Variants in SNURF observed in about 807,000 individuals in gnomAD.
The protein encoded by SNURF is SNRPN upstream open reading frame, also known as SNURF protein.
In SNURF, 6 loss-of-function variants were observed where a neutral mutation model predicts 11.6. The ratio of observed to expected loss-of-function variants is 0.52; its 90% CI spans 0.28 to 1.02. The LOEUF (loss-of-function observed/expected upper bound fraction) is 1.02, where lower values mean the gene tolerates loss of function less well. Among genes scored for constraint, SNURF ranks in the 50% least tolerant of loss-of-function variants. SNURF has a pLI of 0.09. For missense variants in SNURF, 84 were observed against 88.4 expected (o/e 0.95, Z 0.20); for synonymous variants, 29 against 31.6 (o/e 0.92, Z 0.27).
intron 1 of SNURF, among the ~76,000 whole-genome samples, chr15:24,958,346 T>G (rs1442212432): frequency 6.6e-6 from 1 of 151,676 alleles, no homozygotes; most frequent in African/African-American, 2.4e-5. Context: ...GACAATGAAG[T>G]TTTAAAAATC....
At chr15:24,964,678 ATGG>A (rs1039153685) in intron 2 of SNURF, among the ~76,000 whole-genome samples, 2 of 151,976 alleles carry the variant, frequency 1.3e-5, no homozygotes, top group Admixed American at 6.6e-5. Context: ...TAGTTCAGAG[ATGG>A]TGGTGGAGGT....
At chr15:24,962,960 A>G (rs890398340) in intron 2 of SNURF, among the ~76,000 whole-genome samples, 3 of 151,710 alleles carry the variant, frequency 2.0e-5, no homozygotes, top group Admixed American at 6.6e-5. Flanking sequence ...TTTGTAAAAC[A>G]GTTTTGCATA....
intron 2 of SNURF, among the ~76,000 whole-genome samples, chr15:24,965,092 C>T (rs1267138981): frequency 6.6e-6 from 1 of 152,006 alleles, no homozygotes; most frequent in African/African-American, 2.4e-5. Context: ...GCCTCATTGT[C>T]CATGTGTTTA....
At chr15:24,969,276 C>T (rs1394159447), downstream of SNURF, among the ~76,000 whole-genome samples, 3 of 152,058 alleles carry the variant, frequency 2.0e-5, no homozygotes, top group African/African-American at 7.2e-5. Flanking sequence ...TTATAGGCAC[C>T]CACCACCACA....
chr15:24,971,677 C>T (rs532367827), downstream of SNURF, among the ~76,000 whole-genome samples: 415 of 152,202 alleles, frequency 2.7e-3, 3 homozygotes, highest in African/African-American at 9.4e-3. Context: ...TCCTATTGCT[C>T]AAGGTCATTG....
chr15:24,956,885 A>C (rs1221217811), intron 1 of SNURF, among the ~76,000 whole-genome samples: 1 of 152,178 alleles, frequency 6.6e-6, no homozygotes, highest in Non-Finnish European at 1.5e-5. Context: ...GCAGTAAACT[A>C]GAGTGGTGGC....
chr15:24,966,279 T>TA (rs912598466), intron 2 of SNURF, among the ~76,000 whole-genome samples: 6 of 146,472 alleles, frequency 4.1e-5, no homozygotes, highest in Non-Finnish European at 8.9e-5. Context: ...GTGCTATACT[T>TA]ACTAGTTTTT....
At chr15:24,955,962 G>T (rs184595709) in intron 1 of SNURF, among the ~76,000 whole-genome samples, 5 of 152,002 alleles carry the variant, frequency 3.3e-5, no homozygotes, top group Non-Finnish European at 7.4e-5. Flanking sequence ...AGCACAGTCC[G>T]CAGCCTTTAA....
chr15:24,971,395 A>G (rs1166264719), downstream of SNURF, among the ~76,000 whole-genome samples: 1 of 152,208 alleles, frequency 6.6e-6, no homozygotes, highest in African/African-American at 2.4e-5. Flanking sequence ...ACTACATTGT[A>G]TCACATTTAG....
At chr15:24,963,277 GT>G (rs2075123839) in intron 2 of SNURF, among the ~76,000 whole-genome samples, 1 of 152,258 alleles carries the variant, frequency 6.6e-6, no homozygotes, top group South Asian at 2.1e-4. Flanking sequence ...TATTTAGTTT[GT>G]TTGCATTGTT....
intron 4 of SNURF, chr15:24,976,255 G>A (rs1437534805): frequency 7.5e-7 from 1 of 1,333,150 alleles, no homozygotes; most frequent in Non-Finnish European, 1.1e-6. Context: ...ATTTTGATGA[G>A]TGAGTGATCA....
downstream of SNURF, chr15:24,978,531 C>T (rs1418767384): frequency 7.9e-6 from 9 of 1,139,122 alleles, no homozygotes; most frequent in Non-Finnish European, 1.2e-5. Flanking sequence ...TTTGTTCCCT[C>T]ATTCTGCATT....
At chr15:24,963,555 C>T (rs796176506) in intron 2 of SNURF, among the ~76,000 whole-genome samples, 25 of 148,288 alleles carry the variant, frequency 1.7e-4, no homozygotes, top group African/African-American at 6.3e-4. Context: ...ACGGAGGTTG[C>T]AATGAGCTAA....
intron 1 of SNURF, among the ~76,000 whole-genome samples, chr15:24,960,168 G>A (rs982816260): frequency 2.0e-5 from 3 of 152,162 alleles, no homozygotes; most frequent in Non-Finnish European, 4.4e-5. Flanking sequence ...TGGAGGCTGA[G>A]TTTGGGTCTT....
intron 1 of SNURF, 87 bp from the exon 2 acceptor site, chr15:24,962,005 GATTTAAAAATCCATTATATTAA>G (rs1382003134): frequency 1.0e-6 from 1 of 969,074 alleles, no homozygotes; most frequent in East Asian, 2.6e-5. Context: ...GTTTTAATTA[GATTTAAAAATCCATTATATTAA>G]ATGTAGTTCT....
intron 5 of SNURF, chr15:24,976,548 T>A: frequency 1.4e-6 from 1 of 721,936 alleles, no homozygotes; most frequent in Non-Finnish European, 2.4e-6. Context: ...GCACTTAATA[T>A]CAATTGTTGG....
downstream of SNURF, among the ~76,000 whole-genome samples, chr15:24,971,958 A>G (rs1262553464): frequency 6.6e-6 from 1 of 152,090 alleles, no homozygotes. Context: ...GCAGTGCTAT[A>G]AAAATGGATA....
intron 6 of SNURF, among the ~76,000 whole-genome samples, chr15:24,977,594 C>T (rs975515265): frequency 6.6e-6 from 1 of 151,938 alleles, no homozygotes; most frequent in African/African-American, 2.4e-5. Flanking sequence ...GCTGAGATTG[C>T]GCCATTACAC....
intron 5 of SNURF, chr15:24,976,834 T>C (rs750715377): frequency 1.4e-4 from 218 of 1,575,224 alleles, no homozygotes; most frequent in Non-Finnish European, 1.8e-4. Context: ...TACTGAGAAC[T>C]TGTAAATTGT....
Sources: allele counts gnomAD v4.1 joint callset (sites outside exome capture counted in the v4.1 genomes callset), GRCh38; gene constraint gnomAD v4.1.1; transcripts MANE v1.5; gene names NCBI Gene and HGNC (gene_info 2026-07-23, HGNC 2026-07-21).